The following DSC1 variants were observed in gnomAD, a reference collection of about 807,000 sequenced individuals.
DSC1 encodes desmocollin 1.
A neutral mutation model predicts 98.8 loss-of-function variants in DSC1; 79 were observed. That is an observed-to-expected ratio of 0.80 (90% CI 0.67 to 0.96). DSC1 has a LOEUF of 0.96. DSC1 is among the 50% of genes least tolerant of loss of function. The probability of loss-of-function intolerance (pLI) is 0.00; values close to 1 mark genes in which losing one functional copy is unlikely to be tolerated. For missense variants in DSC1, 1,115 were observed against 1,075.9 expected (o/e 1.04, Z -0.51); for synonymous variants, 405 against 372.1 (o/e 1.09, Z -1.02).
At chr18:31,155,248 G>A (rs537505518) in intron 4 of DSC1, among the ~76,000 whole-genome samples, 35 of 152,050 alleles carry the variant, frequency 2.3e-4, no homozygotes, top group African/African-American at 7.5e-4. Context: ...AACAGTTTCC[G>A]TGATTTTGAA....
rs1988448817 is a variant in DSC1, at chr18:31,129,969, G to A, written c.*545C>T. ...ACAATGCTGGGAGCACTGCTCTGAG[G>A]AGTACAAAAGTGTAAAAGAGAAATG... On this transcript the variant is annotated 3_prime_UTR_variant, in exon 16 of 16. Coordinates refer to ENST00000257198, the MANE Select transcript of DSC1 (RefSeq NM_024421.2). 6.4e-6 allele frequency: 1 copy of A among 155,126 alleles called. No individual in the cohort carries two copies. The highest frequency in any genetic ancestry group is 1.4e-5 in the Non-Finnish European group (1 of 69,998). The allele number at this position is 155,126 out of a possible 1,614,324, so 9.6% of individuals were successfully genotyped here.
chr18:31,137,295 A>G (rs1988631907), intron 11 of DSC1, among the ~76,000 whole-genome samples: 1 of 152,164 alleles, frequency 6.6e-6, no homozygotes, highest in Admixed American at 6.5e-5. Flanking sequence ...ACCCTTAAAT[A>G]TTTGTTCTCT....
chr18:31,130,727 GC>G lies in DSC1; in HGVS notation c.2488-17del. 1 of 1,612,828 alleles carries G rather than the reference GC, an allele frequency of 6.2e-7. No homozygotes were observed. On this transcript the variant is annotated splice_polypyrimidine_tract_variant and intron_variant, in intron 15 of 15. Coordinates refer to ENST00000257198, the MANE Select transcript of DSC1 (RefSeq NM_024421.2). ...AATACACCTTCTGTATCAAAAAAGAGCACATTTTATTATTTTTTAAAAAACA... is the reference window on the plus strand; with the variant it reads ...AATACACCTTCTGTATCAAAAAAGAGACATTTTATTATTTTTTAAAAAACA...
At position 31,159,543 on chromosome 18, in the gene DSC1, A is replaced by AAG. The variant is rs969349921; in HGVS notation, c.64-15_64-14insCT. The AAG allele has an allele frequency of 6.3e-7, 1 of 1,585,774 alleles. No homozygotes were observed. Among genetic ancestry groups the AAG allele is most frequent in the African/African-American group, 1.4e-5 (1 of 72,798 alleles). On this transcript the variant is annotated splice_polypyrimidine_tract_variant and intron_variant, in intron 1 of 15. Transcript: ENST00000257198. ...TAATGTTAAAACCTCAAAAAAAAAAAAAGAAAAAATATCAGGAATTAAATT... is the reference window on the plus strand; with the variant it reads ...TAATGTTAAAACCTCAAAAAAAAAAAAGAAGAAAAAATATCAGGAATTAAATT...
At chr18:31,146,219 T>C (rs1411570473) in intron 6 of DSC1, among the ~76,000 whole-genome samples, 1 of 152,178 alleles carries the variant, frequency 6.6e-6, no homozygotes, top group African/African-American at 2.4e-5. Context: ...TACGTAGTTT[T>C]CAGCCCCTTC....
intron 13 of DSC1, among the ~76,000 whole-genome samples, 161 bp from the exon 14 acceptor site, chr18:31,132,850 C>T (rs1437813000): frequency 6.6e-6 from 1 of 152,098 alleles, no homozygotes; most frequent in South Asian, 2.1e-4. Context: ...TGTATTTATA[C>T]TATTTGTAGC....
intron 5 of DSC1, among the ~76,000 whole-genome samples, chr18:31,149,280 G>A (rs1988912630): frequency 1.3e-5 from 2 of 152,124 alleles, no homozygotes; most frequent in Admixed American, 6.6e-5. Context: ...AATAGTTGTT[G>A]AATGGATTTT....
chr18:31,162,659 G>GTCTTCTTAGCCGCTCTGT lies in DSC1; in HGVS notation c.-66_-65insACAGAGCGGCTAAGAAGA. 1 of 1,478,448 alleles carries GTCTTCTTAGCCGCTCTGT rather than the reference G, an allele frequency of 6.8e-7. No individual in the cohort carries two copies. Among genetic ancestry groups the GTCTTCTTAGCCGCTCTGT allele is most frequent in the Non-Finnish European group, 9.4e-7 (1 of 1,058,858 alleles). 91.6% of individuals were successfully genotyped at this position (1,478,448 alleles called of 1,614,324 possible). Reference sequence around the variant, plus strand: ...CAGGGCAGCCTGGGATGCACAGAGCGGCTAAGAAGACGCTGGCACTTGCAC... The same window carrying GTCTTCTTAGCCGCTCTGT: ...CAGGGCAGCCTGGGATGCACAGAGCGTCTTCTTAGCCGCTCTGTGCTAAGAAGACGCTGGCACTTGCAC... On this transcript the variant is annotated 5_prime_UTR_variant, in exon 1 of 16. Coordinates refer to ENST00000257198, the MANE Select transcript of DSC1 (RefSeq NM_024421.2).
At chr18:31,132,115 A>G (rs1004140430) in intron 14 of DSC1, 26 of 477,648 alleles carry the variant, frequency 5.4e-5, no homozygotes, top group African/African-American at 4.5e-4. Context: ...ATGGGATTAG[A>G]GTGGGTCCCT....
intron 9 of DSC1, 145 bp downstream of exon 9, chr18:31,141,853 GA>G (rs1223493751): frequency 2.6e-6 from 2 of 771,296 alleles, no homozygotes; most frequent in Non-Finnish European, 3.8e-6. Flanking sequence ...AAGAGAATAA[GA>G]AACAACAAAG....
In DSC1 at chr18:31,156,198, C is replaced by T. The variant is rs772707282; in HGVS notation, c.352-36G>A. The T allele has an allele frequency of 4.4e-6, 7 of 1,591,168 alleles. No homozygotes were observed. In the African/African-American group the frequency reaches 8.2e-5, roughly 19 times the overall value. On this transcript the variant is annotated intron_variant, in intron 3 of 15. Transcript: ENST00000257198. Reference sequence around the variant, plus strand: ...CAAGAAACAAAGAAATGTAGCATTGCTTATCATTTTTTGGAACTGTGATTA... The same window carrying T: ...CAAGAAACAAAGAAATGTAGCATTGTTTATCATTTTTTGGAACTGTGATTA...
In DSC1 at chr18:31,130,405, G is replaced by T. The variant is rs1395786623; in HGVS notation, c.*109C>A. On this transcript the variant is annotated 3_prime_UTR_variant, in exon 16 of 16. Coordinates refer to ENST00000257198, the MANE Select transcript of DSC1 (RefSeq NM_024421.2). Reference sequence around the variant, plus strand: ...ATTTATAGTACCCTTACCTATACATGACAAAGTTTACCTCCATAAACAAAA... The same window carrying T: ...ATTTATAGTACCCTTACCTATACATTACAAAGTTTACCTCCATAAACAAAA... The T allele has an allele frequency of 1.6e-6, 2 of 1,226,324 alleles. No individual in the cohort carries two copies. Among genetic ancestry groups the T allele is most frequent in the Non-Finnish European group, 2.3e-6 (2 of 858,980 alleles). 76.0% of individuals were successfully genotyped at this position (1,226,324 alleles called of 1,614,324 possible).
intron 12 of DSC1, 50 bp downstream of exon 12, chr18:31,134,522 T>C: frequency 7.2e-7 from 1 of 1,386,968 alleles, no homozygotes; most frequent in Non-Finnish European, 9.9e-7. Context: ...GAAAGAACCA[T>C]CACCAATCTG....
chr18:31,143,347 A>G (rs1009934821), intron 8 of DSC1, among the ~76,000 whole-genome samples: 8 of 150,156 alleles, frequency 5.3e-5, no homozygotes, highest in African/African-American at 1.7e-4. Context: ...TTTAATGCCA[A>G]GGAATCTGGT....
At chr18:31,151,514 A>C (rs1346282002) in intron 5 of DSC1, among the ~76,000 whole-genome samples, 3 of 152,242 alleles carry the variant, frequency 2.0e-5, no homozygotes, top group Non-Finnish European at 2.9e-5. Context: ...ACAATAAAAA[A>C]TAATTTAGAA....
intron 7 of DSC1, among the ~76,000 whole-genome samples, chr18:31,144,926 TTTTCTTTTTC>T (rs377005761): frequency 2.2e-5 from 3 of 137,768 alleles, no homozygotes; most frequent in Middle Eastern, 4.0e-3. Context: ...ACCGTCTGTA[TTTTCTTTTTC>T]TTTCTTTTTT....
chr18:31,143,315 C>T (rs1315235211), intron 8 of DSC1, among the ~76,000 whole-genome samples: 2 of 151,624 alleles, frequency 1.3e-5, no homozygotes, highest in Non-Finnish European at 2.9e-5. Flanking sequence ...GAGAGCCTCT[C>T]CTCCTTCACC....
In DSC1 at chr18:31,133,969, T is replaced by C; in HGVS notation, c.2038A>G (p.Thr680Ala). The change falls in exon 13 of 16, where the codon ACA becomes GCA. Residue 680 changes from threonine (T) to alanine (A), a missense_variant. Thr to Ala is a moderately conservative substitution (Grantham distance 58). Transcript: ENST00000257198. ...PSECRMKDKS[T>A]RDVRPNVILG... is the part of the protein sequence containing the mutation. ...ATTACATTTGGTCTAACGTCTCTTG[T>C]ACTTTTATCCTTCATTCTACACTCA... The C allele has an allele frequency of 1.2e-6, 2 of 1,613,464 alleles. No homozygotes were observed. Among genetic ancestry groups the C allele is most frequent in the Non-Finnish European group, 1.7e-6 (2 of 1,179,646 alleles).
In DSC1 at chr18:31,134,159, G is replaced by T. The variant is rs1988556680; in HGVS notation, c.1877-29C>A. On this transcript the variant is annotated intron_variant, in intron 12 of 15. Coordinates refer to ENST00000257198, the MANE Select transcript of DSC1 (RefSeq NM_024421.2). ...GGGAAAAAAAAGACAGAATATATAT[G>T]GATTGGCTGTTTAGATGGCAGTATT... 1.9e-6 allele frequency: 3 copies of T among 1,591,342 alleles called. No homozygotes were observed. In the South Asian group the frequency reaches 3.3e-5, roughly 18 times the overall value.
Sources: gnomAD v4.1 joint callset for allele counts (sites outside exome capture counted in the v4.1 genomes callset) on GRCh38, gnomAD v4.1.1 for gene constraint, MANE v1.5 for transcripts, NCBI Gene and HGNC (gene_info 2026-07-23, HGNC 2026-07-21) for gene names.